Variants in DOCK3 observed in about 807,000 individuals in gnomAD.
The protein encoded by DOCK3 is dedicator of cytokinesis protein 3.
Under a neutral mutation model 265.6 loss-of-function variants are expected in DOCK3, and 60 were observed. The ratio of observed to expected loss-of-function variants is 0.23; its 90% CI spans 0.18 to 0.28. DOCK3 has a LOEUF of 0.28. Among genes scored for constraint, DOCK3 ranks in the 10% least tolerant of loss-of-function variants. The pLI is 1.00. For missense variants in DOCK3, 1,981 were observed against 2,594.3 expected, an observed-to-expected ratio of 0.76 and a Z score of 5.14; for synonymous variants, 881 against 938.0, an observed-to-expected ratio of 0.94 and a Z score of 1.11.
rs190760202 is a variant in DOCK3, at chr3:51,309,032, C to A, written c.2923-1200C>A. On this transcript the variant is annotated intron_variant, in intron 27 of 52. Coordinates refer to ENST00000266037, the MANE Select transcript of DOCK3 (RefSeq NM_004947.5). Reference sequence around the variant, plus strand: ...CCCCACATCTCAGACGATGGGTGGCCGGGCAGAGACGCTTCTCACTTCCTA... The same window carrying A: ...CCCCACATCTCAGACGATGGGTGGCAGGGCAGAGACGCTTCTCACTTCCTA... Among the ~76,000 whole-genome samples, 1,359 of 151,524 alleles carry A rather than the reference C, an allele frequency of 9.0e-3. 28 individuals are homozygous for A. The highest frequency in any genetic ancestry group is 0.029 in the African/African-American group (1,212 of 41,206).
At chr3:50,898,981 T>C (rs1435741994) in intron 4 of DOCK3, among the ~76,000 whole-genome samples, 1 of 152,232 alleles carries the variant, frequency 6.6e-6, no homozygotes, top group African/African-American at 2.4e-5. Flanking sequence ...GTTCTGTAGA[T>C]GTCTGTTAGG....
rs1049631756 is a variant in DOCK3 at position 51,221,637 on chromosome 3, T to C, written c.1253-4012T>C. ...GGACAGATACTTTATTCCGAGACCC[T>C]CTTATAAAAAAAAACTCAAATCGTT... is the stretch of plus-strand genomic sequence containing the variant. On this transcript the variant is annotated intron_variant, in intron 14 of 52. Transcript: ENST00000266037. 6.6e-5 allele frequency among the ~76,000 whole-genome samples: 10 copies of C among 152,146 alleles called. No individual in the cohort carries two copies. In the South Asian group the frequency reaches 2.1e-3, roughly 31 times the overall value.
At chr3:51,227,475 C>T in intron 16 of DOCK3, 30 bp downstream of exon 16, 1 of 1,612,506 alleles carries the variant, frequency 6.2e-7, no homozygotes, top group Non-Finnish European at 8.5e-7. Context: ...CTCCACATTC[C>T]CTTGAGAATA....
intron 5 of DOCK3, among the ~76,000 whole-genome samples, chr3:50,948,742 G>T (rs1178605624): frequency 6.6e-6 from 1 of 151,970 alleles, no homozygotes; most frequent in Non-Finnish European, 1.5e-5. Flanking sequence ...GACTCCCAAA[G>T]TGTTGGGATT....
At chr3:51,068,497 G>A (rs1309923229) in intron 6 of DOCK3, among the ~76,000 whole-genome samples, 9 of 128,042 alleles carry the variant, frequency 7.0e-5, no homozygotes, top group African/African-American at 1.2e-4. Flanking sequence ...CCGAGGTTGC[G>A]CCACTGCACT....
At chr3:50,859,388 T>C (rs2609015) in intron 3 of DOCK3, among the ~76,000 whole-genome samples, 8,640 of 151,840 alleles carry the variant, frequency 0.057, 873 homozygotes, top group African/African-American at 0.2. Flanking sequence ...CAGCTAATTT[T>C]TGTATTTTTA....
At chr3:51,251,519 C>T (rs2079238048) in intron 22 of DOCK3, among the ~76,000 whole-genome samples, 1 of 152,208 alleles carries the variant, frequency 6.6e-6, no homozygotes, top group Non-Finnish European at 1.5e-5. Context: ...TCTCCACATC[C>T]TCTCCAGCAC....
At chr3:50,878,003 GCAAA>G (rs1307009750) in intron 3 of DOCK3, among the ~76,000 whole-genome samples, 2 of 152,186 alleles carry the variant, frequency 1.3e-5, no homozygotes, top group African/African-American at 4.8e-5. Context: ...TGATACCCAG[GCAAA>G]CAGTGTCTGG....
chr3:50,896,044 G>A (rs138653487), intron 4 of DOCK3, among the ~76,000 whole-genome samples: 57 of 152,230 alleles, frequency 3.7e-4, no homozygotes, highest in African/African-American at 1.3e-3. Flanking sequence ...CCAGTAATGG[G>A]ATTGCTGGGT....
intron 3 of DOCK3, among the ~76,000 whole-genome samples, chr3:50,872,264 A>G (rs1421941258): frequency 6.6e-6 from 1 of 152,268 alleles, no homozygotes; most frequent in Non-Finnish European, 1.5e-5. Context: ...CCCCAAGTCT[A>G]GTTAATGCTG....
At position 50,783,725 on chromosome 3, in the gene DOCK3, TTTG is replaced by T. The variant is rs2042041403; in HGVS notation, c.121+4970_121+4972del. 3.3e-5 allele frequency among the ~76,000 whole-genome samples: 5 copies of T among 152,148 alleles called. No individual in the cohort carries two copies. In the South Asian group the frequency reaches 1.0e-3, roughly 32 times the overall value. On this transcript the variant is annotated intron_variant, in intron 2 of 52. Coordinates refer to ENST00000266037, the MANE Select transcript of DOCK3 (RefSeq NM_004947.5). ...TTTAAGTAAGTCCCATCCATTTATCTTTGTTTTTGTTTCATTTGCTTTTGTGTT... is the reference window on the plus strand; with the variant it reads ...TTTAAGTAAGTCCCATCCATTTATCTTTTTTGTTTCATTTGCTTTTGTGTT...
intron 12 of DOCK3, among the ~76,000 whole-genome samples, chr3:51,191,523 T>A (rs2087947880): frequency 6.6e-6 from 1 of 152,208 alleles, no homozygotes. Flanking sequence ...CCCTGTGGGC[T>A]GAATTGCCAG....
At chr3:50,847,906 C>A (rs1008016754) in intron 3 of DOCK3, among the ~76,000 whole-genome samples, 1 of 69,540 alleles carries the variant, frequency 1.4e-5, no homozygotes, top group Admixed American at 1.4e-4. Flanking sequence ...AAAAAAAATC[C>A]CCCACAGTTA....
At chr3:50,973,049 C>CTTTGTT (rs2077292469) in intron 5 of DOCK3, among the ~76,000 whole-genome samples, 1 of 19,012 alleles carries the variant, frequency 5.3e-5, no homozygotes, top group Non-Finnish European at 8.6e-5. Context: ...CAGTGTGTTT[C>CTTTGTT]TTTTTTTTTT....
In DOCK3 at chr3:50,970,905, AT is replaced by A. The variant is rs1182017772; in HGVS notation, c.315+36829del. Among the ~76,000 whole-genome samples, 16 of 49,302 alleles carry A rather than the reference AT, an allele frequency of 3.2e-4. 1 individual carries two copies. Among genetic ancestry groups the A allele is most frequent in the African/African-American group, 1.2e-3 (13 of 10,564 alleles). 32.3% of individuals were successfully genotyped at this position (49,302 alleles called of 152,430 possible). ...TCATCTAATTTTTATATATATATAT[AT>A]ATATATATATATATATATATATATA... On this transcript the variant is annotated intron_variant, in intron 5 of 52. Transcript: ENST00000266037.
intron 2 of DOCK3, among the ~76,000 whole-genome samples, chr3:50,788,542 G>T (rs1444296628): frequency 6.6e-6 from 1 of 152,190 alleles, no homozygotes; most frequent in South Asian, 2.1e-4. Flanking sequence ...TCTTATCTGG[G>T]CCAGCCACCT....
chr3:51,017,337 T>A (rs1435589033), intron 5 of DOCK3, among the ~76,000 whole-genome samples: 1 of 151,594 alleles, frequency 6.6e-6, no homozygotes, highest in African/African-American at 2.4e-5. Flanking sequence ...GTTTCATTGA[T>A]CATTTGTATT....
At chr3:51,329,919 A>G (rs1041837994) in intron 32 of DOCK3, among the ~76,000 whole-genome samples, 10 of 152,158 alleles carry the variant, frequency 6.6e-5, no homozygotes, top group Non-Finnish European at 1.3e-4. Flanking sequence ...TTTAAGTCCT[A>G]TCTCTTTTTC....
At chr3:50,832,575 T>A (rs1176383202) in intron 2 of DOCK3, among the ~76,000 whole-genome samples, 3 of 152,228 alleles carry the variant, frequency 2.0e-5, no homozygotes. Flanking sequence ...TGCTGACTTC[T>A]TGTCTCATCC....
Sources: allele counts gnomAD v4.1 joint callset (sites outside exome capture counted in the v4.1 genomes callset), GRCh38; gene constraint gnomAD v4.1.1; transcripts MANE v1.5; gene names NCBI Gene and HGNC (gene_info 2026-07-23, HGNC 2026-07-21).